The following PEMT variants were observed in gnomAD, a reference collection of about 807,000 sequenced individuals.
PEMT encodes phospholipid methyltransferase.
In PEMT, 23 loss-of-function variants were observed where a neutral mutation model predicts 27.4. The ratio of observed to expected loss-of-function variants is 0.84; its 90% CI spans 0.60 to 1.19. The LOEUF (loss-of-function observed/expected upper bound fraction) is 1.19, where lower values mean the gene tolerates loss of function less well. Ranked by LOEUF, PEMT falls within the 50% of genes most tolerant of loss-of-function variation. The pLI is 0.00. For missense variants in PEMT, 307 were observed against 310.1 expected (o/e 0.99, Z 0.07); for synonymous variants, 137 against 139.1 (o/e 0.98, Z 0.11).
intron 2 of PEMT, among the ~76,000 whole-genome samples, chr17:17,560,054 T>G (rs2142688193): frequency 6.6e-6 from 1 of 151,826 alleles, no homozygotes; most frequent in South Asian, 2.1e-4. Flanking sequence ...AGCCACGGCC[T>G]GACCTGGCCA....
intron 2 of PEMT, among the ~76,000 whole-genome samples, chr17:17,549,435 G>A (rs1258193858): frequency 6.6e-6 from 1 of 152,048 alleles, no homozygotes; most frequent in Non-Finnish European, 1.5e-5. Flanking sequence ...TGATCCACCC[G>A]CCTCAGCCTC....
At chr17:17,554,030 G>C (rs1909864672) in intron 2 of PEMT, among the ~76,000 whole-genome samples, 1 of 152,240 alleles carries the variant, frequency 6.6e-6, no homozygotes, top group African/African-American at 2.4e-5. Context: ...CACTGGACCT[G>C]AGACCTGGCC....
At chr17:17,536,779 G>T (rs1908503748) in intron 2 of PEMT, among the ~76,000 whole-genome samples, 3 of 152,234 alleles carry the variant, frequency 2.0e-5, no homozygotes, top group African/African-American at 7.2e-5. Flanking sequence ...CCACTGAAAT[G>T]GTCCATTGGC....
At chr17:17,585,217 A>T (rs1232536946) in intron 1 of PEMT, among the ~76,000 whole-genome samples, 1 of 152,210 alleles carries the variant, frequency 6.6e-6, no homozygotes, top group East Asian at 1.9e-4. Context: ...AGGCGCCTGT[A>T]ATCCCAGCTA....
chr17:17,577,018 A>G lies in PEMT; in HGVS notation c.106T>C (p.Cys36Arg). 6.2e-7 allele frequency: 1 copy of G among 1,613,726 alleles called. No homozygotes were observed. Among genetic ancestry groups the G allele is most frequent in the Non-Finnish European group, 8.5e-7 (1 of 1,179,754 alleles). Residue 36 changes from cysteine (C) to arginine (R), a missense_variant, in exon 2 of 7, where the codon TGC (cysteine) becomes CGC (arginine). Cys to Arg is a radical substitution (Grantham distance 180, BLOSUM62 -3). Transcript: ENST00000255389. ...TAGCCCAGCAGCCGGGTCATAACGC[A>G]GAAGTCTGCCTGCAGGGACAGAGCT... ...GNIDFRQADF[C>R]VMTRLLGYVD...
intron 1 of PEMT, among the ~76,000 whole-genome samples, chr17:17,587,408 T>G (rs1912373357): frequency 1.3e-5 from 2 of 152,146 alleles, no homozygotes; most frequent in Admixed American, 6.5e-5. Flanking sequence ...AGGATTTGAA[T>G]TTATGGCTTA....
chr17:17,510,880 G>C (rs528278840), intron 4 of PEMT, among the ~76,000 whole-genome samples: 1 of 152,094 alleles, frequency 6.6e-6, no homozygotes, highest in African/African-American at 2.4e-5. Context: ...GAGGGCCCCC[G>C]CCGCTGGTCT....
chr17:17,527,845 C>T (rs1907791569), intron 2 of PEMT, among the ~76,000 whole-genome samples: 1 of 152,218 alleles, frequency 6.6e-6, no homozygotes, highest in Non-Finnish European at 1.5e-5. Context: ...CAGGCCTCTC[C>T]CCTCTGCGGC....
chr17:17,518,192 C>T lies in PEMT; in HGVS notation c.320+4088G>A, dbSNP rs1032481530. The T allele has an allele frequency of 5.1e-6, 5 of 981,440 alleles. No homozygotes were observed. In the African/African-American group the frequency reaches 8.7e-5, roughly 17 times the overall value. The allele number at this position is 981,440 out of a possible 1,614,324, so 60.8% of individuals were successfully genotyped here. A position where few individuals can be genotyped will look rare whatever the true frequency, so the allele number is the denominator to read the frequency against. ...CACCAGGAGCTCGCTGATGCCCTAA[C>T]AAGCTCGGCTGTCTCCTCCCACAGC... On this transcript the variant is annotated intron_variant, in intron 3 of 6. Coordinates refer to ENST00000255389, the MANE Select transcript of PEMT (RefSeq NM_148172.3).
intron 2 of PEMT, among the ~76,000 whole-genome samples, chr17:17,569,441 C>A (rs1169610071): frequency 6.6e-6 from 1 of 152,154 alleles, no homozygotes; most frequent in Non-Finnish European, 1.5e-5. Flanking sequence ...CAAGCAAAGA[C>A]CTGCACATGA....
At chr17:17,547,042 C>T (rs1263895396) in intron 2 of PEMT, among the ~76,000 whole-genome samples, 3 of 152,270 alleles carry the variant, frequency 2.0e-5, no homozygotes, top group East Asian at 3.9e-4. Flanking sequence ...CAGCTCCAGG[C>T]GTGCTCTCGA....
chr17:17,544,545 G>T (rs8080165), intron 2 of PEMT, among the ~76,000 whole-genome samples: 94,463 of 151,798 alleles, frequency 0.62, 30,175 homozygotes, highest in African/African-American at 0.76. Context: ...ATTACAGGCA[G>T]GAGCCACCGC....
intron 2 of PEMT, among the ~76,000 whole-genome samples, chr17:17,538,584 C>A (rs1290292635): frequency 1.3e-5 from 2 of 151,994 alleles, no homozygotes; most frequent in Non-Finnish European, 2.9e-5. Context: ...TTAATAAATA[C>A]ATTAAAGGGG....
intron 2 of PEMT, 124 bp from the exon 3 acceptor site, chr17:17,522,519 T>C (rs1907354386): frequency 3.0e-6 from 2 of 675,072 alleles, no homozygotes; most frequent in Admixed American, 4.6e-5. Flanking sequence ...GAAGAAGAAT[T>C]ACACGGGAGC....
rs1053863164 is a variant in PEMT, at chr17:17,513,537, C to A, written c.321-883G>T. 6.6e-6 allele frequency among the ~76,000 whole-genome samples: 1 copy of A among 152,100 alleles called. No individual in the cohort carries two copies. The highest frequency in any genetic ancestry group is 1.5e-5 in the Non-Finnish European group (1 of 68,016). ...GCTTGAACCCAGGAGGCGGAGTTTGCACACCACTGCACTCCAGCCTGGGCA... is the reference window on the plus strand; with the variant it reads ...GCTTGAACCCAGGAGGCGGAGTTTGAACACCACTGCACTCCAGCCTGGGCA... On this transcript the variant is annotated intron_variant, in intron 3 of 6. Transcript: ENST00000255389. The surrounding 1 kb of genome is among the most constrained non-coding windows in gnomAD (Gnocchi z 4.1).
At chr17:17,517,588 G>A (rs1319234534) in intron 3 of PEMT, among the ~76,000 whole-genome samples, 2 of 152,224 alleles carry the variant, frequency 1.3e-5, no homozygotes, top group African/African-American at 4.8e-5. Flanking sequence ...AGGGCCACCT[G>A]TGCCAGCCTC....
At chr17:17,563,077 C>T (rs769194867) in intron 2 of PEMT, among the ~76,000 whole-genome samples, 113 of 152,194 alleles carry the variant, frequency 7.4e-4, no homozygotes, top group Non-Finnish European at 1.2e-3. Flanking sequence ...ACTAGGACAG[C>T]CTGGCCGAGG....
At position 17,512,565 on chromosome 17, in the gene PEMT, C is replaced by A. The variant is rs1446557913; in HGVS notation, c.410G>T (p.Gly137Val). 1.9e-6 allele frequency: 3 copies of A among 1,608,992 alleles called. No homozygotes were observed. The highest frequency in any genetic ancestry group is 2.5e-6 in the Non-Finnish European group (3 of 1,177,648). The change falls in exon 4 of 7, where the codon GGC becomes GTC. Residue 137 changes from glycine to valine, a missense_variant. Gly to Val is a moderately radical substitution (Grantham distance 109). Transcript: ENST00000255389. The surrounding 1 kb of genome is among the most constrained non-coding windows in gnomAD (Gnocchi z 6.3). ...YSLGLALLGL[G>V]VVLVLSSFFA... ...GAAGCTGGAGAGCACGAGCACGACG[C>A]CCAGTCCCAGGAGCGCGAGGCCCAG...
intron 2 of PEMT, among the ~76,000 whole-genome samples, chr17:17,566,649 C>T (rs1298533480): frequency 2.6e-5 from 4 of 152,294 alleles, no homozygotes; most frequent in South Asian, 4.1e-4. Context: ...GGAAAGCTGG[C>T]GAAGGGGAGG....
Sources: gnomAD v4.1 joint callset for allele counts (sites outside exome capture counted in the v4.1 genomes callset) on GRCh38, gnomAD v4.1.1 for gene constraint, Gnocchi (gnomAD v3.1) non-coding constraint, MANE v1.5 for transcripts, NCBI Gene and HGNC (gene_info 2026-07-23, HGNC 2026-07-21) for gene names.